Variants in ZNF577 observed in about 807,000 individuals in gnomAD.
The protein encoded by ZNF577 is zinc finger protein 577.
A neutral mutation model predicts 13.9 loss-of-function variants in ZNF577; 14 were observed. The ratio of observed to expected loss-of-function variants is 1.00; its 90% CI spans 0.66 to 1.57. The LOEUF (loss-of-function observed/expected upper bound fraction) is 1.57. Among genes scored for constraint, ZNF577 ranks in the 40% most tolerant of loss-of-function variants. ZNF577 has a pLI of 0.00. For synonymous variants in ZNF577, 203 were observed against 202.9 expected (o/e 1.00, Z 0.00); for missense variants, 555 against 579.2 (o/e 0.96, Z 0.43).
At chr19:51,811,657 G>A (rs1041789981) in exon 10 of ZNF577, 3 of 152,210 alleles carry the variant, frequency 2.0e-5, no homozygotes, top group African/African-American at 7.2e-5. Context: ...TATGTAACGT[G>A]CCATGATCCC....
chr19:51,879,059 T>A (rs191849787), intron 3 of ZNF577, among the ~76,000 whole-genome samples: 5 of 151,396 alleles, frequency 3.3e-5, no homozygotes, highest in South Asian at 2.1e-4. Flanking sequence ...AGATTAAGAC[T>A]ATCCTGGCTA....
chr19:51,831,706 A>ATCCACTATCTGAC (rs1392678521), intron 9 of ZNF577, among the ~76,000 whole-genome samples: 6 of 152,190 alleles, frequency 3.9e-5, no homozygotes, highest in African/African-American at 1.4e-4. Context: ...AAACATCTGA[A>ATCCACTATCTGAC]TCCACTATCT....
chr19:51,879,203 G>A (rs1399152103), intron 3 of ZNF577, among the ~76,000 whole-genome samples: 1 of 151,182 alleles, frequency 6.6e-6, no homozygotes, highest in African/African-American at 2.4e-5. Flanking sequence ...CTTGCAGGGA[G>A]CCAAGATTGC....
At position 51,880,403 on chromosome 19, in the gene ZNF577, T is replaced by C; in HGVS notation, c.-19-2A>G. 1 of 1,613,476 alleles carries C rather than the reference T, an allele frequency of 6.2e-7. No homozygotes were observed. The highest frequency in any genetic ancestry group is 8.5e-7 in the Non-Finnish European group (1 of 1,179,782). ...TTCATGTGTTTCCTGTTATTTCAGC[T>C]GCCAAAAAAAAGGAGACACAGTTTA... is the stretch of plus-strand genomic sequence containing the variant. On this transcript the variant is annotated splice_acceptor_variant, in intron 2 of 5. Transcript: ENST00000638348. LOFTEE classifies it low-confidence loss of function (5UTR_SPLICE).
chr19:51,821,289 A>T (rs571033549), intron 9 of ZNF577, among the ~76,000 whole-genome samples: 77 of 152,250 alleles, frequency 5.1e-4, no homozygotes, highest in African/African-American at 1.8e-3. Flanking sequence ...ACTGACCCCA[A>T]AGCCCAGTGT....
chr19:51,850,098 G>A (rs191605053), intron 5 of ZNF577, among the ~76,000 whole-genome samples: 32 of 152,278 alleles, frequency 2.1e-4, no homozygotes, highest in African/African-American at 7.5e-4. Context: ...ATTTTTGGGC[G>A]GTGGTGGAAC....
At chr19:51,855,293 T>G (rs1283454443) in intron 5 of ZNF577, among the ~76,000 whole-genome samples, 1 of 152,142 alleles carries the variant, frequency 6.6e-6, no homozygotes, top group Non-Finnish European at 1.5e-5. Flanking sequence ...TTGAAGTCTT[T>G]TCTTAGTTAG....
chr19:51,870,254 T>C lies in ZNF577; in HGVS notation c.*2278A>G, dbSNP rs975835111. The stretch of plus-strand genomic sequence containing the variant: ...CTGAGTTTTCTTCATGTTATGGGGT[T>C]ATATTTTCCTGCTTCTTTGCACACC... On this transcript the variant is annotated 3_prime_UTR_variant, in exon 6 of 6. Coordinates refer to ENST00000638348, the MANE Select transcript of ZNF577 (RefSeq NM_001370449.1). 1.3e-5 allele frequency among the ~76,000 whole-genome samples: 2 copies of C among 152,236 alleles called. No homozygotes were observed. The highest frequency in any genetic ancestry group is 4.8e-5 in the African/African-American group (2 of 41,464).
intron 6 of ZNF577, among the ~76,000 whole-genome samples, chr19:51,844,001 C>T (rs1319989456): frequency 6.7e-6 from 1 of 149,372 alleles, no homozygotes; most frequent in Non-Finnish European, 1.5e-5. Context: ...AGGAACATGT[C>T]TTGGAGCAAA....
intron 10 of ZNF577, among the ~76,000 whole-genome samples, chr19:51,810,122 C>T (rs1177684034): frequency 1.3e-5 from 2 of 152,080 alleles, no homozygotes; most frequent in African/African-American, 4.8e-5. Context: ...ACAATTATAA[C>T]ATTTTCCCAC....
chr19:51,815,419 G>T (rs931955212), intron 9 of ZNF577, among the ~76,000 whole-genome samples: 3 of 152,084 alleles, frequency 2.0e-5, no homozygotes, highest in Non-Finnish European at 4.4e-5. Flanking sequence ...AATTAGCCAG[G>T]CATGGTGATG....
chr19:51,841,144 G>T (rs1293367204), intron 8 of ZNF577, among the ~76,000 whole-genome samples: 1 of 152,146 alleles, frequency 6.6e-6, no homozygotes, highest in African/African-American at 2.4e-5. Flanking sequence ...ATCATATTCT[G>T]CTGGGAGAAA....
At chr19:51,819,463 G>A (rs1270888751) in intron 9 of ZNF577, among the ~76,000 whole-genome samples, 16 of 151,930 alleles carry the variant, frequency 1.1e-4, no homozygotes, top group Admixed American at 1.1e-3. Context: ...AACCAAGAGT[G>A]GATTGTGTGT....
rs1282802843 is a variant in ZNF577, at chr19:51,873,462, A to C, written c.528T>G (p.His176Gln). The change falls in exon 6 of 6, where the codon CAT (histidine) becomes CAG (glutamine). Residue 176 changes from histidine to glutamine, a missense_variant. His to Gln is a conservative substitution (Grantham distance 24). Coordinates refer to ENST00000638348, the MANE Select transcript of ZNF577 (RefSeq NM_001370449.1). ...AFSRKAQLIQ[H>Q]QRTERGEKPH... Reference sequence around the variant, plus strand: ...GTTTCTCTCCTCTTTCAGTTCTCTGATGTTGAATAAGCTGTGCTTTCCTGG... The same window carrying C: ...GTTTCTCTCCTCTTTCAGTTCTCTGCTGTTGAATAAGCTGTGCTTTCCTGG... 6.2e-7 allele frequency: 1 copy of C among 1,613,990 alleles called. No homozygotes were observed. The highest frequency in any genetic ancestry group is 2.2e-5 in the East Asian group (1 of 44,884).
At chr19:51,848,707 C>T (rs1341009807) in intron 5 of ZNF577, among the ~76,000 whole-genome samples, 1 of 152,176 alleles carries the variant, frequency 6.6e-6, no homozygotes, top group Admixed American at 6.5e-5. Context: ...TTGAAGAGCA[C>T]AACCCACCCA....
chr19:51,833,406 T>G (rs150266652), intron 9 of ZNF577, among the ~76,000 whole-genome samples: 26 of 151,922 alleles, frequency 1.7e-4, no homozygotes, highest in Non-Finnish European at 3.7e-4. Context: ...AAATCTGGTC[T>G]CTCTTATGCC....
At chr19:51,835,595 T>C (rs1433134582) in intron 9 of ZNF577, among the ~76,000 whole-genome samples, 1 of 152,226 alleles carries the variant, frequency 6.6e-6, no homozygotes, top group African/African-American at 2.4e-5. Flanking sequence ...ATAAAGTGAT[T>C]TTTATGAACT....
intron 9 of ZNF577, among the ~76,000 whole-genome samples, chr19:51,837,100 A>C (rs2084291904): frequency 6.6e-6 from 1 of 151,990 alleles, no homozygotes; most frequent in African/African-American, 2.4e-5. Context: ...AATGTGAAGG[A>C]AACAGACTTT....
chr19:51,883,397 T>A (rs1291744430), intron 1 of ZNF577, among the ~76,000 whole-genome samples: 1 of 152,102 alleles, frequency 6.6e-6, no homozygotes, highest in Non-Finnish European at 1.5e-5. Context: ...AGTGCTAGGA[T>A]TACAGGCATG....
Sources: allele counts gnomAD v4.1 joint callset (sites outside exome capture counted in the v4.1 genomes callset), GRCh38; gene constraint gnomAD v4.1.1; transcripts MANE v1.5; gene names NCBI Gene and HGNC (gene_info 2026-07-23, HGNC 2026-07-21).